ATXN7: variants seen among roughly 807,000 people sequenced by gnomAD.
The protein encoded by ATXN7 is ataxin-7.
ATXN7 carries 12 observed loss-of-function variants against 70.5 expected under a neutral mutation model. The observed-to-expected ratio is 0.17, with a 90% confidence interval of 0.11 to 0.28. The LOEUF (loss-of-function observed/expected upper bound fraction) is 0.28. Ranked by LOEUF, ATXN7 falls within the 10% of genes least tolerant of loss-of-function variation. The probability of loss-of-function intolerance (pLI) is 1.00; values close to 1 mark genes in which losing one functional copy is unlikely to be tolerated. For synonymous variants in ATXN7, 498 were observed against 448.7 expected (o/e 1.11, Z -1.39); for missense variants, 1,256 against 1,131.7 (o/e 1.11, Z -1.58).
intron 2 of ATXN7, among the ~76,000 whole-genome samples, chr3:63,899,228 A>C (rs1237161366): frequency 6.6e-5 from 10 of 151,836 alleles, no homozygotes; most frequent in Non-Finnish European, 2.9e-5. Flanking sequence ...ACACCTGGCT[A>C]ATTTTTGTAT....
At position 63,912,664 on chromosome 3, in the gene ATXN7, A is replaced by AGCAGCG; in HGVS notation, c.69_74dup (p.Ala27_Ala28dup). On this transcript the variant is annotated inframe_insertion, in exon 3 of 13. Transcript: ENST00000674280. ...GCCGCGCGGCGGCGGCGGCGGGCGG[A>AGCAGCG]GCAGCGGCCGCGGCCGCCCGGCAGC... 9.5e-7 allele frequency: 1 copy of AGCAGCG among 1,049,394 alleles called. No homozygotes were observed. Among genetic ancestry groups the AGCAGCG allele is most frequent in the East Asian group, 8.9e-5 (1 of 11,252 alleles). 65.0% of individuals were successfully genotyped at this position (1,049,394 alleles called of 1,614,324 possible). A position where few individuals can be genotyped will look rare whatever the true frequency, so the allele number is the denominator to read the frequency against.
At chr3:63,882,044 A>T (rs2107224428) in intron 1 of ATXN7, among the ~76,000 whole-genome samples, 1 of 152,318 alleles carries the variant, frequency 6.6e-6, no homozygotes, top group Non-Finnish European at 1.5e-5. Flanking sequence ...CATTTTAACT[A>T]ATAATTTCAT....
chr3:63,911,456 C>T (rs1704010175), intron 2 of ATXN7: 1 of 152,084 alleles, frequency 6.6e-6, no homozygotes, highest in South Asian at 2.1e-4. Flanking sequence ...CTCCTAATCC[C>T]TAGGGTCTCG....
chr3:63,883,553 A>T (rs921815409), intron 1 of ATXN7, among the ~76,000 whole-genome samples: 1 of 152,038 alleles, frequency 6.6e-6, no homozygotes, highest in Non-Finnish European at 1.5e-5. Flanking sequence ...AAAAAAAAAC[A>T]AACTAGTTGT....
intron 1 of ATXN7, among the ~76,000 whole-genome samples, chr3:63,890,528 G>A (rs1703226151): frequency 6.6e-6 from 1 of 152,164 alleles, no homozygotes; most frequent in South Asian, 2.1e-4. Context: ...TTAATATTCA[G>A]AAGAGGAAAT....
chr3:63,997,245 A>G (rs771954744), intron 12 of ATXN7, among the ~76,000 whole-genome samples: 3 of 152,032 alleles, frequency 2.0e-5, no homozygotes, highest in Non-Finnish European at 2.9e-5. Flanking sequence ...CTATGAGACT[A>G]TGTCTCAAAA....
At chr3:63,892,885 T>C (rs1250515477) in intron 1 of ATXN7, among the ~76,000 whole-genome samples, 1 of 152,154 alleles carries the variant, frequency 6.6e-6, no homozygotes, top group Non-Finnish European at 1.5e-5. Flanking sequence ...TGAGGTTTCA[T>C]CTGAGCTGGG....
rs761689419 is a variant in ATXN7 at position 63,995,494 on chromosome 3, A to AT, written c.1683-4dup. The AT allele has an allele frequency of 5.0e-6, 8 of 1,613,264 alleles. No individual in the cohort carries two copies. The highest frequency in any genetic ancestry group is 6.8e-6 in the Non-Finnish European group (8 of 1,179,482). On this transcript the variant is annotated splice_polypyrimidine_tract_variant and intron_variant, in intron 11 of 12. Coordinates refer to ENST00000674280, the MANE Select transcript of ATXN7 (RefSeq NM_001377405.1). ...GGTCAGTGTCATTCACTGTCCTCTA[A>AT]TTTTTTTCAGGAAAATCCCACCAGT...
At chr3:63,998,099 T>C (rs2106812025) in intron 12 of ATXN7, 1 of 984,968 alleles carries the variant, frequency 1.0e-6, no homozygotes, top group Middle Eastern at 5.2e-4. Context: ...GGGCATTCCA[T>C]TGTGCTGTAA....
In ATXN7 at chr3:63,912,739, G is replaced by A. The variant is rs1446761366; in HGVS notation, c.141G>A (p.Arg47=). ...QQQPPPPQPQ[R]QQHPPPPPRR... is the part of the protein sequence containing the mutation. ...AGCCGCCGCCTCCGCAGCCCCAGCG[G>A]CAGCAGCACCCGCCACCGCCGCCAC... The change falls in exon 3 of 13, where the codon CGG becomes CGA. Residue 47 remains arginine (R), a synonymous_variant. Coordinates refer to ENST00000674280, the MANE Select transcript of ATXN7 (RefSeq NM_001377405.1). 11 of 1,275,708 alleles carry A rather than the reference G, an allele frequency of 8.6e-6. No homozygotes were observed. The highest frequency in any genetic ancestry group is 1.6e-5 in the African/African-American group (1 of 63,426). The allele number at this position is 1,275,708 out of a possible 1,614,324, so 79.0% of individuals were successfully genotyped here.
chr3:63,922,365 T>C (rs1196801244), intron 4 of ATXN7, among the ~76,000 whole-genome samples: 1 of 152,180 alleles, frequency 6.6e-6, no homozygotes, highest in Non-Finnish European at 1.5e-5. Flanking sequence ...CTTCTTGGAC[T>C]CTAGTAAAAA....
intron 1 of ATXN7, among the ~76,000 whole-genome samples, chr3:63,869,819 C>T (rs1485535542): frequency 6.6e-6 from 1 of 152,190 alleles, no homozygotes; most frequent in African/African-American, 2.4e-5. Flanking sequence ...CTCAGAAAAG[C>T]CTTTTACATT....
At chr3:63,907,925 T>C (rs1703896645) in intron 2 of ATXN7, among the ~76,000 whole-genome samples, 3 of 152,186 alleles carry the variant, frequency 2.0e-5, no homozygotes, top group Admixed American at 2.0e-4. Flanking sequence ...ACCTTTTATA[T>C]GTGTATTTTC....
At chr3:63,913,291 G>A in intron 4 of ATXN7, 66 bp downstream of exon 4, 2 of 1,494,442 alleles carry the variant, frequency 1.3e-6, no homozygotes, top group Admixed American at 1.8e-5. Context: ...AGTTCACTGG[G>A]ACCGGGAACA....
At chr3:63,868,228 G>A (rs1339913694) in intron 1 of ATXN7, among the ~76,000 whole-genome samples, 3 of 152,168 alleles carry the variant, frequency 2.0e-5, no homozygotes. Context: ...CAGGACAGTA[G>A]AACATGATGG....
rs538959708 is a variant in ATXN7, at chr3:63,922,187, A to G, written c.394+8962A>G. 2.6e-3 allele frequency among the ~76,000 whole-genome samples: 396 copies of G among 152,044 alleles called. 2 individuals carry two copies. The highest frequency in any genetic ancestry group is 9.2e-3 in the African/African-American group (383 of 41,506). ...CCTGAGTAGCTGGGGCCACAGGTGC[A>G]CACTACCATGCCCGGCTAATTTTTG... On this transcript the variant is annotated intron_variant, in intron 4 of 12. Coordinates refer to ENST00000674280, the MANE Select transcript of ATXN7 (RefSeq NM_001377405.1).
intron 1 of ATXN7, chr3:63,865,276 A>G (rs1022619474): frequency 6.6e-6 from 1 of 152,252 alleles, no homozygotes; most frequent in Non-Finnish European, 1.5e-5. Flanking sequence ...CTTCAATAAT[A>G]CCATTACAGT....
intron 5 of ATXN7, among the ~76,000 whole-genome samples, chr3:63,968,822 C>T (rs894858687): frequency 2.0e-5 from 3 of 152,088 alleles, no homozygotes; most frequent in African/African-American, 7.2e-5. Flanking sequence ...CAATTGAGTT[C>T]TTCAGTTTTC....
chr3:63,990,791 C>A lies in ATXN7; in HGVS notation c.1614C>A (p.Ser538=), dbSNP rs2075659732. The part of the protein sequence containing the change: ...QIGRGYYVFD[S]RWNRLRCALN... ...GAAGAGGCTATTACGTGTTTGACTC[C>A]AGGTGGAATCGACTTCGCTGCGCCC... Residue 538 remains serine (S), a synonymous_variant, in exon 11 of 13, where the codon TCC becomes TCA. Transcript: ENST00000674280. 6.2e-7 allele frequency: 1 copy of A among 1,614,012 alleles called. No homozygotes were observed. Among genetic ancestry groups the A allele is most frequent in the Non-Finnish European group, 8.5e-7 (1 of 1,180,028 alleles).
Sources: gnomAD v4.1 joint callset for allele counts (sites outside exome capture counted in the v4.1 genomes callset) on GRCh38, gnomAD v4.1.1 for gene constraint, MANE v1.5 for transcripts, NCBI Gene and HGNC (gene_info 2026-07-23, HGNC 2026-07-21) for gene names.